CDH12: variants seen among roughly 807,000 people sequenced by gnomAD.
CDH12 encodes cadherin-12.
A neutral mutation model predicts 74.1 loss-of-function variants in CDH12; 41 were observed. The ratio of observed to expected loss-of-function variants is 0.55; its 90% CI spans 0.43 to 0.72. The LOEUF (loss-of-function observed/expected upper bound fraction) is 0.72, where lower values mean the gene tolerates loss of function less well. Ranked by LOEUF, CDH12 falls within the 30% of genes least tolerant of loss-of-function variation. The pLI is 0.00. For synonymous variants in CDH12, 399 were observed against 355.0 expected (o/e 1.12, Z -1.39); for missense variants, 945 against 977.2 (o/e 0.97, Z 0.44).
intron 14 of CDH12, among the ~76,000 whole-genome samples, chr5:21,754,217 A>T (rs1323523449): frequency 6.6e-6 from 1 of 151,894 alleles, no homozygotes; most frequent in South Asian, 2.1e-4. Context: ...TAAGGGTGAA[A>T]ACCCTCTCTC....
chr5:21,784,890 A>G (rs1259724928), intron 10 of CDH12, among the ~76,000 whole-genome samples: 1 of 152,172 alleles, frequency 6.6e-6, no homozygotes, highest in Non-Finnish European at 1.5e-5. Flanking sequence ...ACTAGTCTGT[A>G]TCTGTTAGTA....
intron 6 of CDH12, among the ~76,000 whole-genome samples, chr5:21,875,845 T>C (rs1039529751): frequency 6.6e-6 from 1 of 152,064 alleles, no homozygotes; most frequent in Non-Finnish European, 1.5e-5. Flanking sequence ...ACTGATATTT[T>C]CTCCTAAGAG....
intron 1 of CDH12, among the ~76,000 whole-genome samples, chr5:22,691,883 A>G (rs1742102772): frequency 6.6e-6 from 1 of 152,238 alleles, no homozygotes; most frequent in Non-Finnish European, 1.5e-5. Flanking sequence ...GGATAAATAG[A>G]AAGGAAGAGA....
chr5:22,742,933 G>A (rs1745101351), intron 1 of CDH12, among the ~76,000 whole-genome samples: 1 of 151,796 alleles, frequency 6.6e-6, no homozygotes, highest in Non-Finnish European at 1.5e-5. Flanking sequence ...ACATTTAAAT[G>A]GAAAGACTGG....
At chr5:22,302,332 A>G (rs1270853338) in intron 3 of CDH12, among the ~76,000 whole-genome samples, 1 of 152,218 alleles carries the variant, frequency 6.6e-6, no homozygotes, top group African/African-American at 2.4e-5. Flanking sequence ...TATAAATTGC[A>G]TTTGTATGAT....
chr5:22,231,143 T>C (rs1752368710), intron 3 of CDH12, among the ~76,000 whole-genome samples: 1 of 152,202 alleles, frequency 6.6e-6, no homozygotes. Context: ...CCTCTTTACA[T>C]TCTATTTTAA....
intron 3 of CDH12, among the ~76,000 whole-genome samples, chr5:22,232,533 T>C (rs1053795487): frequency 1.3e-5 from 2 of 151,868 alleles, no homozygotes; most frequent in Non-Finnish European, 2.9e-5. Context: ...ATCAATGGTG[T>C]CAAAAGAGTA....
intron 4 of CDH12, among the ~76,000 whole-genome samples, chr5:22,113,129 G>C (rs975064912): frequency 1.3e-5 from 2 of 152,072 alleles, no homozygotes; most frequent in Admixed American, 6.6e-5. Context: ...CTATATATCT[G>C]ACTTACTTTA....
At chr5:22,229,559 CG>C (rs1561239281) in intron 3 of CDH12, among the ~76,000 whole-genome samples, 1 of 151,796 alleles carries the variant, frequency 6.6e-6, no homozygotes, top group African/African-American at 2.4e-5. Context: ...GCCAATCATT[CG>C]GTTATTTGGT....
intron 4 of CDH12, among the ~76,000 whole-genome samples, chr5:22,151,679 G>A (rs1747593720): frequency 6.6e-6 from 1 of 152,092 alleles, no homozygotes; most frequent in Non-Finnish European, 1.5e-5. Flanking sequence ...TTTCCCCTCA[G>A]AAGCAATTCC....
chr5:21,799,467 T>C (rs1746990224), intron 10 of CDH12, among the ~76,000 whole-genome samples: 1 of 151,892 alleles, frequency 6.6e-6, no homozygotes, highest in South Asian at 2.1e-4. Context: ...ACATTAAGGG[T>C]TGATAGATTG....
chr5:22,325,504 T>C (rs1027366100), intron 3 of CDH12, among the ~76,000 whole-genome samples: 8 of 152,192 alleles, frequency 5.3e-5, no homozygotes, highest in African/African-American at 1.9e-4. Context: ...TGGAAGGATC[T>C]AAATTTACAG....
chr5:21,765,461 G>A (rs1744969665), intron 11 of CDH12, among the ~76,000 whole-genome samples: 1 of 151,464 alleles, frequency 6.6e-6, no homozygotes, highest in South Asian at 2.1e-4. Context: ...AAACGTTATT[G>A]GTTGGATGAT....
chr5:21,891,485 T>C (rs1419327518), intron 6 of CDH12, among the ~76,000 whole-genome samples: 1 of 152,090 alleles, frequency 6.6e-6, no homozygotes, highest in East Asian at 1.9e-4. Context: ...ACACACATCA[T>C]GTGGCCTATA....
chr5:22,747,194 CTTA>C (rs1745333461), intron 1 of CDH12, among the ~76,000 whole-genome samples: 1 of 151,938 alleles, frequency 6.6e-6, no homozygotes, highest in Non-Finnish European at 1.5e-5. Context: ...TGGTTAAACA[CTTA>C]TTATATGTTT....
At chr5:22,017,870 G>A (rs1246775964) in intron 5 of CDH12, among the ~76,000 whole-genome samples, 2 of 150,986 alleles carry the variant, frequency 1.3e-5, no homozygotes, top group South Asian at 4.2e-4. Context: ...AGCAATTCTC[G>A]TGCTTCAGCC....
intron 3 of CDH12, among the ~76,000 whole-genome samples, chr5:22,298,490 T>C (rs368290518): frequency 5.3e-5 from 8 of 152,130 alleles, no homozygotes; most frequent in East Asian, 3.9e-4. Context: ...TACTTTCTAC[T>C]CTCTTTCAAT....
At chr5:21,889,099 T>A (rs1160283651) in intron 6 of CDH12, among the ~76,000 whole-genome samples, 3 of 152,112 alleles carry the variant, frequency 2.0e-5, no homozygotes, top group Non-Finnish European at 4.4e-5. Context: ...ATATTTTTAA[T>A]CCAGAAAACG....
chr5:22,246,158 G>C (rs1231006405), intron 3 of CDH12, among the ~76,000 whole-genome samples: 3 of 151,990 alleles, frequency 2.0e-5, no homozygotes, highest in Admixed American at 6.5e-5. Flanking sequence ...TTACATTTTT[G>C]AAATCCAATT....
Sources: gnomAD v4.1 joint callset for allele counts (sites outside exome capture counted in the v4.1 genomes callset) on GRCh38, gnomAD v4.1.1 for gene constraint, MANE v1.5 for transcripts, NCBI Gene and HGNC (gene_info 2026-07-23, HGNC 2026-07-21) for gene names.